Variants in RETREG1 observed in about 807,000 individuals in gnomAD.
RETREG1 encodes the protein family with sequence similarity 134 member B.
A neutral mutation model predicts 54.8 loss-of-function variants in RETREG1; 44 were observed. The observed-to-expected ratio is 0.80, with a 90% CI of 0.63 to 1.03. RETREG1 has a LOEUF of 1.03. Among genes scored for constraint, RETREG1 ranks in the 50% least tolerant of loss-of-function variants. The probability of loss-of-function intolerance (pLI) is 0.00; values close to 1 mark genes in which losing one functional copy is unlikely to be tolerated. For synonymous variants in RETREG1, 217 were observed against 238.5 expected, an observed-to-expected ratio of 0.91 and a Z score of 0.83; for missense variants, 554 against 605.1, an observed-to-expected ratio of 0.92 and a Z score of 0.89.
intron 1 of RETREG1, among the ~76,000 whole-genome samples, chr5:16,572,575 G>A (rs1387646750): frequency 6.6e-6 from 1 of 152,208 alleles, no homozygotes; most frequent in African/African-American, 2.4e-5. Flanking sequence ...AGGCATCAAA[G>A]TCAGCAAAAT....
chr5:16,569,293 T>TC (rs1167548418), intron 2 of RETREG1, among the ~76,000 whole-genome samples: 12 of 151,348 alleles, frequency 7.9e-5, no homozygotes, highest in Middle Eastern at 3.2e-3. Flanking sequence ...CTTTCTTTTT[T>TC]TTTTTTTTTT....
intron 3 of RETREG1, among the ~76,000 whole-genome samples, chr5:16,511,596 T>G (rs1199636963): frequency 6.6e-6 from 1 of 152,176 alleles, no homozygotes; most frequent in African/African-American, 2.4e-5. Context: ...TTAGGTACAT[T>G]TGTGGTAATT....
Position 16,474,960 on chromosome 5 carries a change from GATA to G in RETREG1, c.1272_1274del (p.Ile425del). The G allele has an allele frequency of 6.2e-7, 1 of 1,613,864 alleles. No homozygotes were observed. On this transcript the variant is annotated inframe_deletion, in exon 9 of 9. Transcript: ENST00000306320. The stretch of plus-strand genomic sequence containing the variant: ...GCTGCACACCCTCTAACTGGTCTTT[GATA>G]GCTGCAGTCACTGCAGCTGTGATAA...
intron 3 of RETREG1, among the ~76,000 whole-genome samples, chr5:16,540,107 G>C (rs375302190): frequency 3.3e-5 from 5 of 152,284 alleles, no homozygotes; most frequent in African/African-American, 1.2e-4. Context: ...TTTATCAAAA[G>C]CAGTACTTTT....
intron 1 of RETREG1, among the ~76,000 whole-genome samples, chr5:16,614,094 T>C (rs1743423516): frequency 6.6e-6 from 1 of 152,240 alleles, no homozygotes; most frequent in African/African-American, 2.4e-5. Context: ...AGGAGAAGGC[T>C]GTATCTAGGC....
At position 16,561,140 on chromosome 5, in the gene RETREG1, T is replaced by G. The variant is rs1212820752; in HGVS notation, c.458+4623A>C. 6.6e-6 allele frequency among the ~76,000 whole-genome samples: 1 copy of G among 151,862 alleles called. No individual in the cohort carries two copies. Among genetic ancestry groups the G allele is most frequent in the Non-Finnish European group, 1.5e-5 (1 of 67,952 alleles). ...ACGAGCTGCAGGGTTGGGACCAGAA[T>G]GAAAGTTAGCTGTACCTGGATATAC... On this transcript the variant is annotated intron_variant, in intron 3 of 8. Transcript: ENST00000306320. The surrounding 1 kb of genome is among the most constrained non-coding windows in gnomAD (Gnocchi z 4.2).
At chr5:16,538,169 G>T (rs1741130494) in intron 3 of RETREG1, among the ~76,000 whole-genome samples, 1 of 152,146 alleles carries the variant, frequency 6.6e-6, no homozygotes, top group Non-Finnish European at 1.5e-5. Context: ...GACCCCACCT[G>T]CCACAGCTAA....
chr5:16,474,999 C>G lies in RETREG1; in HGVS notation c.1236G>C (p.Leu412=), dbSNP rs150705378. Reference sequence around the variant, plus strand: ...CTGCAGCTGTGATAACATCCCCAGCCAGGTTGCTCATCAGGTGAAAGGTTT... The same window carrying G: ...CTGCAGCTGTGATAACATCCCCAGCGAGGTTGCTCATCAGGTGAAAGGTTT... ...SDQTFHLMSN[L]AGDVITAAVT... The change falls in exon 9 of 9, where the codon CTG becomes CTC. Residue 412 remains leucine, a synonymous_variant. Transcript: ENST00000306320. The G allele has an allele frequency of 5.3e-5, 85 of 1,613,286 alleles. No homozygotes were observed. In the African/African-American group the frequency reaches 1.1e-3, roughly 20 times the overall value.
At chr5:16,601,235 G>A (rs1000738478) in intron 1 of RETREG1, among the ~76,000 whole-genome samples, 1 of 152,050 alleles carries the variant, frequency 6.6e-6, no homozygotes, top group Non-Finnish European at 1.5e-5. Context: ...AGGCATGGTA[G>A]TGTGTACCTG....
intron 3 of RETREG1, among the ~76,000 whole-genome samples, chr5:16,510,119 T>C (rs62369675): frequency 0.023 from 3,499 of 152,348 alleles, 86 homozygotes; most frequent in Non-Finnish European, 0.028. Flanking sequence ...CATTTGTATG[T>C]GTGAAAGTGA....
chr5:16,534,989 G>A (rs554541856), intron 3 of RETREG1, among the ~76,000 whole-genome samples: 17 of 152,322 alleles, frequency 1.1e-4, no homozygotes, highest in African/African-American at 4.1e-4. Flanking sequence ...GCCTCATGGA[G>A]CTTCCAGAGT....
At chr5:16,490,200 A>G (rs1244116014) in intron 3 of RETREG1, among the ~76,000 whole-genome samples, 3 of 152,282 alleles carry the variant, frequency 2.0e-5, no homozygotes, top group Admixed American at 2.0e-4. Flanking sequence ...GTGCAAAGCA[A>G]ATCCACCCAT....
rs530551319 is a variant in RETREG1, at chr5:16,552,644, C to A, written c.458+13119G>T. Among the ~76,000 whole-genome samples, 4 of 152,264 alleles carry A rather than the reference C, an allele frequency of 2.6e-5. No individual in the cohort carries two copies. The East Asian group carries it at 5.8e-4, about 22-fold the overall frequency. ...TTTCTCTGTCATATTCTCCATTGATCTATCCTTCAATCACTTCTCTTAGTT... is the reference window on the plus strand; with the variant it reads ...TTTCTCTGTCATATTCTCCATTGATATATCCTTCAATCACTTCTCTTAGTT... On this transcript the variant is annotated intron_variant, in intron 3 of 8. Coordinates refer to ENST00000306320, the MANE Select transcript of RETREG1 (RefSeq NM_001034850.3).
intron 1 of RETREG1, among the ~76,000 whole-genome samples, chr5:16,600,890 A>T (rs1016927333): frequency 1.3e-5 from 2 of 152,256 alleles, no homozygotes; most frequent in African/African-American, 4.8e-5. Flanking sequence ...AAGGAAAAAA[A>T]ATCAAAAATG....
chr5:16,547,378 C>T (rs926909068), intron 3 of RETREG1, among the ~76,000 whole-genome samples: 1 of 152,166 alleles, frequency 6.6e-6, no homozygotes, highest in African/African-American at 2.4e-5. Context: ...AACTCCTGAA[C>T]AGAAAACAGG....
chr5:16,611,039 A>C (rs1222338035), intron 1 of RETREG1, among the ~76,000 whole-genome samples: 1 of 152,232 alleles, frequency 6.6e-6, no homozygotes, highest in African/African-American at 2.4e-5. Context: ...GGATTAAGAA[A>C]ATGTGGCACA....
rs995375276 is a variant in RETREG1 at position 16,597,616 on chromosome 5, C to T, written c.320+19036G>A. 1.3e-5 allele frequency among the ~76,000 whole-genome samples: 2 copies of T among 152,142 alleles called. No homozygotes were observed. Among genetic ancestry groups the T allele is most frequent in the African/African-American group, 4.8e-5 (2 of 41,438 alleles). On this transcript the variant is annotated intron_variant, in intron 1 of 8. Coordinates refer to ENST00000306320, the MANE Select transcript of RETREG1 (RefSeq NM_001034850.3). This position sits in a 1 kb window ranked among gnomAD's most constrained non-coding sequence, Gnocchi z 4.3. ...GGGAGAAGGGCACTTCCAACCTGCACTGCCCTTGGTCCTCCCCCACCCACA... is the reference window on the plus strand; with the variant it reads ...GGGAGAAGGGCACTTCCAACCTGCATTGCCCTTGGTCCTCCCCCACCCACA...
At chr5:16,554,704 C>G (rs1417284203) in intron 3 of RETREG1, among the ~76,000 whole-genome samples, 1 of 152,150 alleles carries the variant, frequency 6.6e-6, no homozygotes, top group Non-Finnish European at 1.5e-5. Context: ...ACAAAATTAA[C>G]AATAAAGGAT....
chr5:16,547,324 A>C (rs1741416368), intron 3 of RETREG1, among the ~76,000 whole-genome samples: 1 of 152,230 alleles, frequency 6.6e-6, no homozygotes, highest in South Asian at 2.1e-4. Flanking sequence ...AGTCAGGCCC[A>C]AGATAAGAGC....
Sources: gnomAD v4.1 joint callset for allele counts (sites outside exome capture counted in the v4.1 genomes callset) on GRCh38, gnomAD v4.1.1 for gene constraint, Gnocchi (gnomAD v3.1) non-coding constraint, MANE v1.5 for transcripts, NCBI Gene and HGNC (gene_info 2026-07-23, HGNC 2026-07-21) for gene names.